The following ZNF638 variants were observed in gnomAD, a reference collection of about 807,000 sequenced individuals.
ZNF638 encodes zinc finger protein 638.
In ZNF638, 46 loss-of-function variants were observed where a neutral mutation model predicts 195.6. That is an observed-to-expected ratio of 0.24 (90% CI 0.19 to 0.30). The LOEUF (loss-of-function observed/expected upper bound fraction) is 0.30. Among genes scored for constraint, ZNF638 ranks in the 10% least tolerant of loss-of-function variants. The pLI, the probability that ZNF638 is intolerant of heterozygous loss-of-function variation, is 1.00. For synonymous variants in ZNF638, 845 were observed against 772.0 expected (o/e 1.09, Z -1.57); for missense variants, 2,440 against 2,325.3 (o/e 1.05, Z -1.01).
intron 10 of ZNF638, chr2:71,388,826 A>G (rs2079706728): frequency 4.2e-6 from 3 of 721,478 alleles, no homozygotes; most frequent in East Asian, 2.7e-5. Context: ...AACAGTATAT[A>G]AAAGTATTGA....
At chr2:71,400,845 G>T (rs2079991796) in intron 15 of ZNF638, among the ~76,000 whole-genome samples, 1 of 152,118 alleles carries the variant, frequency 6.6e-6, no homozygotes, top group African/African-American at 2.4e-5. Flanking sequence ...ATTTTGTGAA[G>T]TCTATTTTTT....
At chr2:71,396,554 T>C (rs572946904) in intron 11 of ZNF638, among the ~76,000 whole-genome samples, 10 of 152,326 alleles carry the variant, frequency 6.6e-5, no homozygotes, top group African/African-American at 2.4e-4. Flanking sequence ...TTTTTTCTCT[T>C]TTCCCTGGCA....
At chr2:71,424,808 G>A in intron 23 of ZNF638, 93 bp downstream of exon 23, 1 of 1,023,092 alleles carries the variant, frequency 9.8e-7, no homozygotes, top group Admixed American at 2.4e-5. Context: ...AACAATGTTA[G>A]TGACTAAGAG....
At position 71,428,586 on chromosome 2, in the gene ZNF638, T is replaced by C; in HGVS notation, c.5585T>C (p.Leu1862Pro). Residue 1862 changes from leucine (L) to proline (P), a missense_variant, in exon 25 of 28, where the codon CTG becomes CCG. Coordinates refer to ENST00000264447, the MANE Select transcript of ZNF638 (RefSeq NM_014497.5). ...PTKRVRIGKT[L>P]PSEKAVVTEP... is the part of the protein sequence containing the mutation. ...AAGAGAGTTAGAATTGGGAAAACTC[T>C]GCCATCAGAAAAAGCTGTTGTGACA... is the stretch of plus-strand genomic sequence containing the variant. 1 of 1,614,076 alleles carries C rather than the reference T, an allele frequency of 6.2e-7. No individual in the cohort carries two copies. The highest frequency in any genetic ancestry group is 8.5e-7 in the Non-Finnish European group (1 of 1,179,994).
intron 20 of ZNF638, among the ~76,000 whole-genome samples, chr2:71,417,750 C>T (rs1199371409): frequency 6.6e-6 from 1 of 151,620 alleles, no homozygotes; most frequent in African/African-American, 2.4e-5. Flanking sequence ...AAACCATCAT[C>T]TTTAGTTTTG....
At chr2:71,336,706 G>A (rs1381728368) in intron 1 of ZNF638, among the ~76,000 whole-genome samples, 1 of 152,082 alleles carries the variant, frequency 6.6e-6, no homozygotes, top group Non-Finnish European at 1.5e-5. Context: ...GGGTAACATT[G>A]TTAGCAAGCA....
intron 3 of ZNF638, among the ~76,000 whole-genome samples, chr2:71,362,863 T>A (rs1039807035): frequency 7.9e-5 from 12 of 152,202 alleles, no homozygotes; most frequent in African/African-American, 2.7e-4. Flanking sequence ...TGAACTGTCT[T>A]CTCTCTTTTA....
intron 10 of ZNF638, chr2:71,393,525 A>G (rs1206121766): frequency 1.4e-6 from 1 of 717,946 alleles, no homozygotes; most frequent in South Asian, 1.5e-5. Context: ...CTCAGACGAC[A>G]CAAGCCCCGG....
At chr2:71,337,165 A>G (rs2078684913) in intron 1 of ZNF638, among the ~76,000 whole-genome samples, 1 of 150,660 alleles carries the variant, frequency 6.6e-6, no homozygotes, top group African/African-American at 2.4e-5. Context: ...ACTTTGTATA[A>G]AGTAAGAAGA....
chr2:71,431,461 T>C, intron 26 of ZNF638, 33 bp downstream of exon 26: 1 of 1,602,740 alleles, frequency 6.2e-7, no homozygotes, highest in Non-Finnish European at 8.5e-7. Context: ...TTCTTACCCA[T>C]ATGAAATTTA....
At chr2:71,336,760 A>G (rs2078678433) in intron 1 of ZNF638, among the ~76,000 whole-genome samples, 1 of 152,326 alleles carries the variant, frequency 6.6e-6, no homozygotes, top group Middle Eastern at 3.4e-3. Flanking sequence ...GCTTGGATTA[A>G]CCAGCTTGCT....
chr2:71,363,246 C>T (rs372115330), intron 4 of ZNF638, 55 bp downstream of exon 4: 1 of 1,285,354 alleles, frequency 7.8e-7, no homozygotes, highest in Non-Finnish European at 1.1e-6. Flanking sequence ...TAAAAGTAAA[C>T]AGTTAATTTT....
chr2:71,393,591 C>T (rs753626083), intron 10 of ZNF638: 4 of 717,924 alleles, frequency 5.6e-6, no homozygotes, highest in Non-Finnish European at 1.0e-5. Flanking sequence ...AAATCCTGCT[C>T]CAGACACAGA....
At position 71,434,831 on chromosome 2, in the gene ZNF638, T is replaced by C; in HGVS notation, c.*24T>C. On this transcript the variant is annotated 3_prime_UTR_variant, in exon 28 of 28. Coordinates refer to ENST00000264447, the MANE Select transcript of ZNF638 (RefSeq NM_014497.5). The stretch of plus-strand genomic sequence containing the variant: ...GATTGGGGGAAAGGAAAGAATTCAC[T>C]AGAAATTTGTTTAGGGTCCAGTTGA... 6.4e-7 allele frequency: 1 copy of C among 1,571,364 alleles called. No homozygotes were observed. Among genetic ancestry groups the C allele is most frequent in the Non-Finnish European group, 8.6e-7 (1 of 1,161,190 alleles).
chr2:71,390,398 C>G (rs950711384), intron 10 of ZNF638, among the ~76,000 whole-genome samples: 2 of 152,172 alleles, frequency 1.3e-5, no homozygotes, highest in African/African-American at 2.4e-5. Flanking sequence ...GGGCCCACTG[C>G]CTCCAGAACA....
chr2:71,360,413 T>C lies in ZNF638; in HGVS notation c.1380-2740T>C, dbSNP rs1222188419. On this transcript the variant is annotated intron_variant, in intron 3 of 27. Coordinates refer to ENST00000264447, the MANE Select transcript of ZNF638 (RefSeq NM_014497.5). ...AATAATTCCACAGTTCCTTCTAATA[T>C]ATAAGCCAAATTCATATTTTCCCAT... 3.9e-5 allele frequency among the ~76,000 whole-genome samples: 6 copies of C among 152,208 alleles called. No individual in the cohort carries two copies. In the East Asian group the frequency reaches 7.7e-4, roughly 20 times the overall value.
chr2:71,383,755 T>C (rs1390706762), intron 10 of ZNF638, among the ~76,000 whole-genome samples: 2 of 99,182 alleles, frequency 2.0e-5, no homozygotes, highest in Non-Finnish European at 1.9e-5. Context: ...TTTTTTTTTT[T>C]CTTTTTCTTT....
intron 10 of ZNF638, among the ~76,000 whole-genome samples, chr2:71,389,343 G>A (rs1190741216): frequency 1.3e-5 from 2 of 152,132 alleles, no homozygotes; most frequent in Admixed American, 1.3e-4. Flanking sequence ...TTCTTTTGAC[G>A]CTTATAAAGA....
At chr2:71,367,128 G>C (rs1422460916) in intron 6 of ZNF638, among the ~76,000 whole-genome samples, 1 of 151,792 alleles carries the variant, frequency 6.6e-6, no homozygotes, top group Admixed American at 6.6e-5. Flanking sequence ...GAAGAGCATT[G>C]GGAAGAAATT....
Sources: allele counts gnomAD v4.1 joint callset (sites outside exome capture counted in the v4.1 genomes callset), GRCh38; gene constraint gnomAD v4.1.1; transcripts MANE v1.5; gene names NCBI Gene and HGNC (gene_info 2026-07-23, HGNC 2026-07-21).